The following ALDH18A1 variants were observed in gnomAD, a reference collection of about 807,000 sequenced individuals.
ALDH18A1 encodes the protein aldehyde dehydrogenase 18 family member A1, also known as delta-1-pyrroline-5-carboxylate synthase.
In ALDH18A1, 44 loss-of-function variants were observed where a neutral mutation model predicts 88.8. The ratio of observed to expected loss-of-function variants is 0.50; its 90% CI spans 0.39 to 0.64. The LOEUF is 0.64. ALDH18A1 is among the 30% of genes least tolerant of loss of function. The probability of loss-of-function intolerance (pLI) is 0.00; values close to 1 mark genes in which losing one functional copy is unlikely to be tolerated. For synonymous variants in ALDH18A1, 331 were observed against 372.1 expected (o/e 0.89, Z 1.27); for missense variants, 782 against 1,009.5 (o/e 0.77, Z 3.05).
chr10:95,627,241 C>A (rs185525488), intron 9 of ALDH18A1, among the ~76,000 whole-genome samples: 2 of 148,602 alleles, frequency 1.3e-5, no homozygotes, highest in East Asian at 1.9e-4. Context: ...ATATTTTAAC[C>A]GAGTGATTTT....
intron 10 of ALDH18A1, among the ~76,000 whole-genome samples, chr10:95,625,823 T>C (rs2097859614): frequency 1.3e-5 from 2 of 152,024 alleles, no homozygotes; most frequent in African/African-American, 2.4e-5. Flanking sequence ...CTGTAGGAGA[T>C]TATGTAACTG....
intron 17 of ALDH18A1, among the ~76,000 whole-genome samples, chr10:95,608,379 A>G (rs1001630626): frequency 3.9e-5 from 6 of 152,274 alleles, no homozygotes; most frequent in African/African-American, 1.2e-4. Flanking sequence ...AAAAATAAAG[A>G]GTATCATGAT....
chr10:95,625,122 T>C lies in ALDH18A1; in HGVS notation c.1246+240A>G, dbSNP rs370321189. ...TTGTTCTTTTTTGTCCTGACCGCCA[T>C]AGTAGCCACAGCTTGTGACCTGTGG... On this transcript the variant is annotated intron_variant, in intron 11 of 17. Transcript: ENST00000371224. 4.4e-3 allele frequency among the ~76,000 whole-genome samples: 672 copies of C among 152,232 alleles called. 2 individuals carry two copies. The highest frequency in any genetic ancestry group is 0.02 in the Middle Eastern group (6 of 294).
At position 95,606,206 on chromosome 10, in the gene ALDH18A1, T is replaced by C; in HGVS notation, c.*556A>G. The C allele has an allele frequency of 1.0e-6, 1 of 981,710 alleles. No individual in the cohort carries two copies. The highest frequency in any genetic ancestry group is 1.2e-6 in the Non-Finnish European group (1 of 823,054). The allele number at this position is 981,710 out of a possible 1,614,324, so 60.8% of individuals were successfully genotyped here. On this transcript the variant is annotated 3_prime_UTR_variant, in exon 18 of 18. Coordinates refer to ENST00000371224, the MANE Select transcript of ALDH18A1 (RefSeq NM_002860.4). Reference sequence around the variant, plus strand: ...AGCTGCAAGCATCTGGAATGCTTATTAATTTACCCCACAAATAAATACAAA... The same window carrying C: ...AGCTGCAAGCATCTGGAATGCTTATCAATTTACCCCACAAATAAATACAAA...
chr10:95,629,266 G>C (rs2097864701), intron 7 of ALDH18A1, among the ~76,000 whole-genome samples: 1 of 152,200 alleles, frequency 6.6e-6, no homozygotes, highest in South Asian at 2.1e-4. Flanking sequence ...AGTGGACACA[G>C]ATGGGGAGGC....
Position 95,614,103 on chromosome 10 carries a change from A to G in ALDH18A1, c.1664T>C (p.Ile555Thr). The change falls in exon 14 of 18, where the codon ATC becomes ACC. Residue 555 changes from isoleucine (I) to threonine (T), a missense_variant. Ile to Thr is a moderately conservative substitution (Grantham distance 89). Around this residue, in one of 3 missense-constraint regions of ALDH18A1, gnomAD observed 556 missense variants for 654.5 expected, o/e 0.85. Coordinates refer to ENST00000371224, the MANE Select transcript of ALDH18A1 (RefSeq NM_002860.4). ...LCRLDKMIDLIIPRGSSQLVR... is the reference protein window; with the variant it reads ...LCRLDKMIDLTIPRGSSQLVR... The stretch of plus-strand genomic sequence containing the variant: ...CAGCTGGGAAGAGCCACGTGGAATG[A>G]TCAGATCTATCATTTTGTCTAGGCG... 6.2e-7 allele frequency: 1 copy of G among 1,614,208 alleles called. No homozygotes were observed. The highest frequency in any genetic ancestry group is 8.5e-7 in the Non-Finnish European group (1 of 1,180,036).
intron 2 of ALDH18A1, among the ~76,000 whole-genome samples, chr10:95,648,176 G>C (rs866579026): frequency 2.0e-5 from 3 of 152,124 alleles, no homozygotes; most frequent in South Asian, 4.1e-4. Context: ...TGTCCTCAGG[G>C]AGACAGTGTC....
intron 2 of ALDH18A1, among the ~76,000 whole-genome samples, chr10:95,645,461 G>A (rs371456413): frequency 6.6e-6 from 1 of 151,974 alleles, no homozygotes; most frequent in Non-Finnish European, 1.5e-5. Flanking sequence ...TCTCCTGGCC[G>A]CTAACTCACT....
Position 95,606,660 on chromosome 10 carries a change from G to C in ALDH18A1, c.*102C>G. ...ATCCAGGTACACTTTCCAACAGGCA[G>C]ACCCTACCAGGAACTGGGAGACAAG... On this transcript the variant is annotated 3_prime_UTR_variant, in exon 18 of 18. Coordinates refer to ENST00000371224, the MANE Select transcript of ALDH18A1 (RefSeq NM_002860.4). 6.2e-7 allele frequency: 1 copy of C among 1,610,142 alleles called. No individual in the cohort carries two copies. Among genetic ancestry groups the C allele is most frequent in the Non-Finnish European group, 8.5e-7 (1 of 1,179,596 alleles).
intron 12 of ALDH18A1, 95 bp from the exon 13 acceptor site, chr10:95,616,709 C>G: frequency 6.8e-7 from 1 of 1,472,520 alleles, no homozygotes; most frequent in Non-Finnish European, 9.3e-7. Flanking sequence ...GTGCTAAGCA[C>G]TGTGTTCATC....
At chr10:95,647,554 C>T (rs1292246163) in intron 2 of ALDH18A1, among the ~76,000 whole-genome samples, 1 of 152,156 alleles carries the variant, frequency 6.6e-6, no homozygotes, top group Non-Finnish European at 1.5e-5. Context: ...TGTAAGGAAA[C>T]AGAATCTCTC....
chr10:95,644,815 A>G (rs2097898395), intron 2 of ALDH18A1, among the ~76,000 whole-genome samples: 1 of 152,228 alleles, frequency 6.6e-6, no homozygotes, highest in East Asian at 1.9e-4. Context: ...TGCTTCTTGG[A>G]ACATGGGTAT....
chr10:95,639,214 C>T (rs2097886775), intron 3 of ALDH18A1, among the ~76,000 whole-genome samples: 1 of 152,036 alleles, frequency 6.6e-6, no homozygotes, highest in African/African-American at 2.4e-5. Flanking sequence ...GCCTGTAGTC[C>T]CAGCTACTCA....
At chr10:95,619,441 A>G (rs1804567059) in intron 12 of ALDH18A1, among the ~76,000 whole-genome samples, 1 of 152,230 alleles carries the variant, frequency 6.6e-6, no homozygotes, top group Non-Finnish European at 1.5e-5. Flanking sequence ...AAACTACTTT[A>G]AAGTTCATAC....
At chr10:95,619,469 C>T (rs11188404) in intron 12 of ALDH18A1, among the ~76,000 whole-genome samples, 42,043 of 152,058 alleles carry the variant, frequency 0.28, 6,782 homozygotes, top group Admixed American at 0.4. Context: ...AAAAAGAGCC[C>T]GCATTGCCAA....
chr10:95,627,366 A>G, intron 9 of ALDH18A1, 76 bp downstream of exon 9: 1 of 1,567,470 alleles, frequency 6.4e-7, no homozygotes, highest in South Asian at 1.1e-5. Flanking sequence ...TAGCATATCA[A>G]TTTTGTGATC....
chr10:95,620,934 TAAAAAAAAAAAA>T (rs75882174), intron 12 of ALDH18A1, 85 bp downstream of exon 12: 1 of 926,094 alleles, frequency 1.1e-6, no homozygotes, highest in Non-Finnish European at 1.5e-6. Flanking sequence ...GAACTTAAAT[TAAAAAAAAAAAA>T]AAAGAAAAGA....
rs2097882117 is a variant in ALDH18A1 at position 95,637,092 on chromosome 10, C to T, written c.558+1G>A. On this transcript the variant is annotated splice_donor_variant, in intron 5 of 17. Transcript: ENST00000371224. LOFTEE classifies it high-confidence loss of function. ...ACCCATTTCAAAGCCCAGCCTCTCA[C>T]CTGGGCAGCACAGATGCTGTACTGG... 2 of 1,613,872 alleles carry T rather than the reference C, an allele frequency of 1.2e-6. No homozygotes were observed. The highest frequency in any genetic ancestry group is 1.7e-6 in the Non-Finnish European group (2 of 1,179,840).
rs769087511 is a variant in ALDH18A1, at chr10:95,628,518, T to C, written c.809-26A>G. The stretch of plus-strand genomic sequence containing the variant: ...CTAAAAAATAGACAAGAGTCAGTAA[T>C]ACTGCTTTGATGGAAGTGTCTCCAA... On this transcript the variant is annotated intron_variant, in intron 7 of 17. Coordinates refer to ENST00000371224, the MANE Select transcript of ALDH18A1 (RefSeq NM_002860.4). 2.0e-5 allele frequency: 32 copies of C among 1,609,682 alleles called. No individual in the cohort carries two copies. The Admixed American group carries it at 3.5e-4, about 18-fold the overall frequency.
Sources: gnomAD v4.1 joint callset for allele counts (sites outside exome capture counted in the v4.1 genomes callset) on GRCh38, gnomAD v4.1.1 for gene constraint, gnomAD v4.1.1 regional missense constraint, MANE v1.5 for transcripts, NCBI Gene and HGNC (gene_info 2026-07-23, HGNC 2026-07-21) for gene names.